SLC25A21: variants seen among roughly 807,000 people sequenced by gnomAD.
SLC25A21 encodes the protein mitochondrial 2-oxodicarboxylate carrier.
Under a neutral mutation model 43.8 loss-of-function variants are expected in SLC25A21, and 47 were observed. The ratio of observed to expected loss-of-function variants is 1.07; its 90% CI spans 0.85 to 1.37. The LOEUF is 1.37. Ranked by LOEUF, SLC25A21 falls within the 40% of genes most tolerant of loss-of-function variation. The probability of loss-of-function intolerance (pLI) is 0.00; values close to 1 mark genes in which losing one functional copy is unlikely to be tolerated. For missense variants in SLC25A21, 352 were observed against 350.2 expected (o/e 1.00, Z -0.04); for synonymous variants, 131 against 121.3 (o/e 1.08, Z -0.52).
intron 1 of SLC25A21, among the ~76,000 whole-genome samples, chr14:36,892,589 G>A (rs1891102289): frequency 6.6e-6 from 1 of 151,954 alleles, no homozygotes; most frequent in African/African-American, 2.4e-5. Context: ...GGGTACGTGT[G>A]CACAATGTGC....
intron 1 of SLC25A21, among the ~76,000 whole-genome samples, chr14:37,047,689 C>A (rs1338898794): frequency 6.6e-6 from 1 of 152,164 alleles, no homozygotes; most frequent in Non-Finnish European, 1.5e-5. Context: ...TGATTAAAAA[C>A]CAAAATGAGT....
At chr14:37,019,744 C>T (rs1290851372) in intron 1 of SLC25A21, among the ~76,000 whole-genome samples, 1 of 151,720 alleles carries the variant, frequency 6.6e-6, no homozygotes, top group South Asian at 2.1e-4. Context: ...GAGTAACAAC[C>T]CACTGAGGCT....
At chr14:36,947,482 C>G (rs1479582743) in intron 1 of SLC25A21, among the ~76,000 whole-genome samples, 9 of 152,156 alleles carry the variant, frequency 5.9e-5, no homozygotes, top group Non-Finnish European at 1.3e-4. Context: ...CTTTCCAGCC[C>G]TGGGATCATT....
chr14:36,715,831 T>G (rs1206629007), intron 6 of SLC25A21, among the ~76,000 whole-genome samples: 2 of 152,206 alleles, frequency 1.3e-5, no homozygotes, highest in East Asian at 3.9e-4. Context: ...CAGCAGCTCA[T>G]ACCTGTAATT....
chr14:36,852,644 T>C lies in SLC25A21; in HGVS notation c.119+22312A>G, dbSNP rs560244442. Among the ~76,000 whole-genome samples the C allele has an allele frequency of 3.9e-5, 6 of 152,322 alleles. No individual in the cohort carries two copies. The East Asian group carries it at 1.2e-3, about 29-fold the overall frequency. ...ACCTTCATGTAATCAAAAATTCTTA[T>C]TGGCGTGTGTGTATGTGTGAGTGTG... On this transcript the variant is annotated intron_variant, in intron 2 of 9. Coordinates refer to ENST00000331299, the MANE Select transcript of SLC25A21 (RefSeq NM_030631.4).
At chr14:37,123,253 G>A (rs1594804411) in intron 1 of SLC25A21, among the ~76,000 whole-genome samples, 1 of 152,170 alleles carries the variant, frequency 6.6e-6, no homozygotes, top group East Asian at 1.9e-4. Context: ...TTTAGATGGA[G>A]CCAGGCTTGG....
At chr14:37,046,492 T>A (rs1464312780) in intron 1 of SLC25A21, among the ~76,000 whole-genome samples, 1 of 152,172 alleles carries the variant, frequency 6.6e-6, no homozygotes, top group Non-Finnish European at 1.5e-5. Flanking sequence ...ATATATGTAT[T>A]TAGAATAAAA....
chr14:36,766,483 A>C (rs1886420512), intron 3 of SLC25A21, among the ~76,000 whole-genome samples: 1 of 152,120 alleles, frequency 6.6e-6, no homozygotes, highest in Admixed American at 6.5e-5. Context: ...ATGGCTGCCC[A>C]CTGCCAACCA....
chr14:37,034,218 A>C (rs1426021372), intron 1 of SLC25A21, among the ~76,000 whole-genome samples: 1 of 151,984 alleles, frequency 6.6e-6, no homozygotes, highest in Non-Finnish European at 1.5e-5. Context: ...GGGTTTCATC[A>C]TGTTGGCCAG....
chr14:36,811,619 T>G (rs745967185), intron 3 of SLC25A21, among the ~76,000 whole-genome samples: 5 of 152,052 alleles, frequency 3.3e-5, no homozygotes, highest in Non-Finnish European at 7.4e-5. Context: ...GCCATTGCAC[T>G]CCAGCCTGCG....
intron 6 of SLC25A21, among the ~76,000 whole-genome samples, chr14:36,717,831 C>T (rs568120545): frequency 6.6e-6 from 1 of 152,176 alleles, no homozygotes; most frequent in South Asian, 2.1e-4. Context: ...TTTTCTCTAC[C>T]TTATAAAATG....
intron 1 of SLC25A21, among the ~76,000 whole-genome samples, chr14:37,011,171 G>A (rs1960723854): frequency 6.6e-6 from 1 of 152,160 alleles, no homozygotes; most frequent in Non-Finnish European, 1.5e-5. Context: ...ACAGGTATCA[G>A]CCACCGTGCC....
intron 3 of SLC25A21, among the ~76,000 whole-genome samples, chr14:36,806,595 A>G (rs987270347): frequency 6.6e-6 from 1 of 152,214 alleles, no homozygotes; most frequent in Non-Finnish European, 1.5e-5. Flanking sequence ...TAAGAATAAT[A>G]GTAGTATGTC....
intron 6 of SLC25A21, among the ~76,000 whole-genome samples, chr14:36,721,746 C>T (rs17105116): frequency 6.6e-6 from 1 of 152,240 alleles, no homozygotes; most frequent in Non-Finnish European, 1.5e-5. Flanking sequence ...GCAAGTCATT[C>T]CCACCTGATC....
rs534047234 is a variant in SLC25A21, at chr14:36,893,485, C to G, written c.71-18481G>C. Among the ~76,000 whole-genome samples the G allele has an allele frequency of 3.3e-5, 5 of 152,260 alleles. No homozygotes were observed. In the South Asian group the frequency reaches 1.0e-3, roughly 32 times the overall value. ...TAGATTGCAAAAATTTTCTCCCATT[C>G]TGTAGGTTGCCTGTTCACTCTGATG... On this transcript the variant is annotated intron_variant, in intron 1 of 9. Coordinates refer to ENST00000331299, the MANE Select transcript of SLC25A21 (RefSeq NM_030631.4).
rs1414739141 is a variant in SLC25A21 at position 36,771,053 on chromosome 14, T to C, written c.204-36480A>G. Among the ~76,000 whole-genome samples the C allele has an allele frequency of 2.7e-5, 4 of 150,808 alleles. No individual in the cohort carries two copies. In the Admixed American group the frequency reaches 2.7e-4, roughly 10 times the overall value. Reference sequence around the variant, plus strand: ...TGACTCCACAGTACAGTAACTGATATGTCAACATTCCACTGTGATAAACAA... The same window carrying C: ...TGACTCCACAGTACAGTAACTGATACGTCAACATTCCACTGTGATAAACAA... On this transcript the variant is annotated intron_variant, in intron 3 of 9. Coordinates refer to ENST00000331299, the MANE Select transcript of SLC25A21 (RefSeq NM_030631.4).
chr14:37,038,095 A>T (rs7359050), intron 1 of SLC25A21, among the ~76,000 whole-genome samples: 71,342 of 151,984 alleles, frequency 0.47, 19,145 homozygotes, highest in African/African-American at 0.75. Context: ...TTGTGCTATG[A>T]GGAGAAGGAT....
intron 3 of SLC25A21, among the ~76,000 whole-genome samples, chr14:36,759,227 T>C (rs921071767): frequency 1.3e-5 from 2 of 152,210 alleles, no homozygotes; most frequent in African/African-American, 4.8e-5. Flanking sequence ...ATGTTTTCTT[T>C]TCCTTCTGAA....
At chr14:37,032,331 C>T (rs1000578192) in intron 1 of SLC25A21, among the ~76,000 whole-genome samples, 8 of 152,036 alleles carry the variant, frequency 5.3e-5, no homozygotes, top group South Asian at 2.1e-4. Context: ...GTCACGAGAT[C>T]GAGACCATCC....
Sources: gnomAD v4.1 joint callset for allele counts (sites outside exome capture counted in the v4.1 genomes callset) on GRCh38, gnomAD v4.1.1 for gene constraint, MANE v1.5 for transcripts, NCBI Gene and HGNC (gene_info 2026-07-23, HGNC 2026-07-21) for gene names.